Variants in TTBK2 observed in about 807,000 individuals in gnomAD.
TTBK2 encodes the protein tau tubulin kinase 2, also known as tau-tubulin kinase 2.
Under a neutral mutation model 110.8 loss-of-function variants are expected in TTBK2, and 28 were observed. The observed-to-expected ratio is 0.25, with a 90% CI of 0.19 to 0.35. The LOEUF (loss-of-function observed/expected upper bound fraction) is 0.35, where lower values mean the gene tolerates loss of function less well. TTBK2 is among the 10% of genes least tolerant of loss of function. The pLI is 1.00. For missense variants in TTBK2, 1,369 were observed against 1,500.3 expected (o/e 0.91, Z 1.45); for synonymous variants, 532 against 527.3 (o/e 1.01, Z -0.12).
intron 7 of TTBK2, among the ~76,000 whole-genome samples, chr15:42,815,784 T>C (rs1891912493): frequency 6.7e-6 from 1 of 148,282 alleles, no homozygotes; most frequent in African/African-American, 2.5e-5. Flanking sequence ...TCATTAGGTA[T>C]TGATAGTATT....
chr15:42,833,363 T>C (rs1284284604), intron 4 of TTBK2, among the ~76,000 whole-genome samples: 3 of 150,968 alleles, frequency 2.0e-5, no homozygotes, highest in Non-Finnish European at 4.4e-5. Context: ...TGCAAGTGAA[T>C]TGCTAAATTG....
intron 14 of TTBK2, among the ~76,000 whole-genome samples, chr15:42,748,840 A>G (rs1444065954): frequency 6.6e-6 from 1 of 152,254 alleles, no homozygotes; most frequent in Non-Finnish European, 1.5e-5. Flanking sequence ...AGTATATACT[A>G]AAGCAGTATC....
intron 9 of TTBK2, chr15:42,798,397 AT>A (rs1420928240): frequency 4.9e-6 from 2 of 411,344 alleles, no homozygotes; most frequent in African/African-American, 4.2e-5. Context: ...CTGACTCCTT[AT>A]TTTACTTAAT....
At chr15:42,763,253 C>T (rs867862693) in intron 13 of TTBK2, among the ~76,000 whole-genome samples, 6 of 104,456 alleles carry the variant, frequency 5.7e-5, no homozygotes, top group Middle Eastern at 7.9e-3. Flanking sequence ...CTTACTCTGT[C>T]ACCCAGGCTG....
At chr15:42,786,093 C>A in intron 10 of TTBK2, among the ~76,000 whole-genome samples, 1 of 149,286 alleles carries the variant, frequency 6.7e-6, no homozygotes. Context: ...AGGATATAAT[C>A]TAGAAAAGCA....
intron 1 of TTBK2, among the ~76,000 whole-genome samples, chr15:42,883,808 T>C (rs1895142849): frequency 6.6e-6 from 1 of 152,086 alleles, no homozygotes; most frequent in African/African-American, 2.4e-5. Context: ...GCAGGATAAA[T>C]ATGATTCTAT....
rs1000582573 is a variant in TTBK2 at position 42,747,411 on chromosome 15, C to A, written c.3273-1154G>T. On this transcript the variant is annotated intron_variant, in intron 14 of 14. Coordinates refer to ENST00000267890, the MANE Select transcript of TTBK2 (RefSeq NM_173500.4). ...TAAACTACAAAGCAGTGGTCCCCAACCTTTTTAGCACCAAGGAGCAGTTTC... is the reference window on the plus strand; with the variant it reads ...TAAACTACAAAGCAGTGGTCCCCAAACTTTTTAGCACCAAGGAGCAGTTTC... Among the ~76,000 whole-genome samples, 3 of 152,170 alleles carry A rather than the reference C, an allele frequency of 2.0e-5. No homozygotes were observed. The East Asian group carries it at 5.8e-4, about 29-fold the overall frequency.
At chr15:42,787,072 A>G (rs2061657539) in intron 10 of TTBK2, among the ~76,000 whole-genome samples, 1 of 152,214 alleles carries the variant, frequency 6.6e-6, no homozygotes, top group African/African-American at 2.4e-5. Context: ...TTCATATTTC[A>G]TTCCCCATAA....
chr15:42,889,410 A>G (rs1391151241), intron 1 of TTBK2, among the ~76,000 whole-genome samples: 1 of 152,186 alleles, frequency 6.6e-6, no homozygotes, highest in African/African-American at 2.4e-5. Context: ...ACCTCTATAC[A>G]GTCCAATAAC....
intron 8 of TTBK2, 65 bp downstream of exon 8, chr15:42,811,623 A>G: frequency 7.6e-7 from 1 of 1,323,260 alleles, no homozygotes; most frequent in African/African-American, 1.5e-5. Flanking sequence ...TTTCAACAAA[A>G]ATGTTTATTC....
intron 2 of TTBK2, 49 bp downstream of exon 2, chr15:42,878,500 C>CAT (rs1466263152): frequency 1.3e-6 from 2 of 1,577,308 alleles, no homozygotes; most frequent in Admixed American, 3.4e-5. Context: ...TATACACACA[C>CAT]ACACACACAC....
At chr15:42,784,579 G>A (rs1450158126) in intron 10 of TTBK2, among the ~76,000 whole-genome samples, 2 of 152,118 alleles carry the variant, frequency 1.3e-5, no homozygotes, top group African/African-American at 4.8e-5. Flanking sequence ...CACCCGGCGT[G>A]TTAGAGAATT....
chr15:42,755,886 G>C (rs897886986), intron 13 of TTBK2, among the ~76,000 whole-genome samples: 3 of 152,072 alleles, frequency 2.0e-5, no homozygotes, highest in Non-Finnish European at 4.4e-5. Flanking sequence ...CAAATACCAA[G>C]GGAGATGATA....
chr15:42,865,511 ACT>A (rs386783491), intron 3 of TTBK2, among the ~76,000 whole-genome samples: 2,629 of 117,116 alleles, frequency 0.022, 90 homozygotes, highest in African/African-American at 0.12. Flanking sequence ...AAATAATAAT[ACT>A]AAAAAAAAAA....
rs557491052 is a variant in TTBK2 at position 42,862,295 on chromosome 15, C to T, written c.217+10316G>A. 1.1e-3 allele frequency among the ~76,000 whole-genome samples: 170 copies of T among 152,122 alleles called. 2 individuals are homozygous for T. Among genetic ancestry groups the T allele is most frequent in the African/African-American group, 4.0e-3 (164 of 41,510 alleles). ...GAAACACAATAAAAAGAGAAAACTT[C>T]GGGCCAATATCCATGATGAACACAG... On this transcript the variant is annotated intron_variant, in intron 3 of 14. Transcript: ENST00000267890.
At position 42,834,337 on chromosome 15, in the gene TTBK2, T is replaced by A. The variant is rs186050357; in HGVS notation, c.292-4259A>T. Among the ~76,000 whole-genome samples, 23 of 152,286 alleles carry A rather than the reference T, an allele frequency of 1.5e-4. No individual in the cohort carries two copies. The East Asian group carries it at 1.5e-3, about 10-fold the overall frequency. ...TTTTAAAATGTATTTCTTAAATCCA[T>A]CCACTTGAAAAGAATTAAAAATAAT... On this transcript the variant is annotated intron_variant, in intron 4 of 14. Coordinates refer to ENST00000267890, the MANE Select transcript of TTBK2 (RefSeq NM_173500.4).
intron 13 of TTBK2, among the ~76,000 whole-genome samples, chr15:42,757,137 T>C (rs1187063512): frequency 6.6e-6 from 1 of 152,164 alleles, no homozygotes; most frequent in East Asian, 1.9e-4. Context: ...AGACAGAGTC[T>C]TGCTTTGTCG....
At chr15:42,903,682 T>C (rs1413458490) in intron 1 of TTBK2, among the ~76,000 whole-genome samples, 1 of 152,114 alleles carries the variant, frequency 6.6e-6, no homozygotes, top group African/African-American at 2.4e-5. Flanking sequence ...GCTGACTGCT[T>C]CTAAAAATGG....
chr15:42,799,238 C>T (rs957905477), intron 9 of TTBK2, among the ~76,000 whole-genome samples: 2 of 151,688 alleles, frequency 1.3e-5, no homozygotes, highest in Non-Finnish European at 2.9e-5. Context: ...GGTGTGGTGG[C>T]GGGCACCTGT....
Sources: allele counts gnomAD v4.1 joint callset (sites outside exome capture counted in the v4.1 genomes callset), GRCh38; gene constraint gnomAD v4.1.1; transcripts MANE v1.5; gene names NCBI Gene and HGNC (gene_info 2026-07-23, HGNC 2026-07-21).